The following SBK2 variants were observed in gnomAD, a reference collection of about 807,000 sequenced individuals.
SBK2 encodes the protein serine/threonine-protein kinase SBK2.
SBK2 carries 18 observed loss-of-function variants against 15.9 expected under a neutral mutation model. The ratio of observed to expected loss-of-function variants is 1.13; its 90% CI spans 0.78 to 1.68. The LOEUF (loss-of-function observed/expected upper bound fraction) is 1.68. Ranked by LOEUF, SBK2 falls within the 40% of genes most tolerant of loss-of-function variation. SBK2 has a pLI of 0.00. For missense variants in SBK2, 581 were observed against 510.9 expected (o/e 1.14, Z -1.32); for synonymous variants, 284 against 246.8 (o/e 1.15, Z -1.41).
chr19:55,529,771 C>A lies in SBK2; in HGVS notation c.1009G>T (p.Glu337Ter). Residue 337 changes from glutamate (E) to a stop codon, truncating the protein, a stop_gained, in exon 4 of 4, where the codon GAG becomes TAG. Coordinates refer to ENST00000413299, the MANE Select transcript of SBK2 (RefSeq NM_001370096.2). LOFTEE classifies it low-confidence loss of function (END_TRUNC). ...RPWRQREGEA[E>*]AVGAVEEEAG... ...TCCTCTTCCACCGCTCCCACTGCCT[C>A]CGCCTCGCCCTCCCGCTGCCTCCAG... is the stretch of plus-strand genomic sequence containing the variant. 6.2e-7 allele frequency: 1 copy of A among 1,603,214 alleles called. No homozygotes were observed. Among genetic ancestry groups the A allele is most frequent in the Non-Finnish European group, 8.5e-7 (1 of 1,179,718 alleles).
chr19:55,536,332 C>T, intron 1 of SBK2, 36 bp from the exon 2 acceptor site: 1 of 1,474,982 alleles, frequency 6.8e-7, no homozygotes. Flanking sequence ...GGCTCAGGTC[C>T]CAGGCCCAAG....
At chr19:55,532,545 AC>A (rs1177554379) in intron 2 of SBK2, among the ~76,000 whole-genome samples, 2 of 148,732 alleles carry the variant, frequency 1.3e-5, no homozygotes, top group African/African-American at 5.0e-5. Flanking sequence ...TCAGGTGATG[AC>A]CCACCTCAGC....
chr19:55,529,929 C>T lies in SBK2; in HGVS notation c.851G>A (p.Gly284Asp), dbSNP rs1256808373. 1 of 1,529,080 alleles carries T rather than the reference C, an allele frequency of 6.5e-7. No homozygotes were observed. The highest frequency in any genetic ancestry group is 1.2e-5 in the South Asian group (1 of 81,070). 94.7% of individuals were successfully genotyped at this position (1,529,080 alleles called of 1,614,324 possible). Reference protein sequence around the residue: ...YEDFLIWQASGQPRDRPQPWF... With the variant: ...YEDFLIWQASDQPRDRPQPWF... ...GGGCTGAGGGCGGTCCCGGGGCTGG[C>T]CCGACGCCTGCCAGATGAGGAAGTC... Residue 284 changes from glycine to aspartate, a missense_variant, in exon 4 of 4, where the codon GGC (glycine) becomes GAC (aspartate). Coordinates refer to ENST00000413299, the MANE Select transcript of SBK2 (RefSeq NM_001370096.2).
intron 2 of SBK2, among the ~76,000 whole-genome samples, chr19:55,535,548 C>G (rs1406120248): frequency 2.0e-5 from 3 of 152,194 alleles, no homozygotes; most frequent in African/African-American, 7.2e-5. Context: ...GAAGCTGAGA[C>G]TCAGAGAGGG....
Position 55,536,147 on chromosome 19 carries a change from C to T in SBK2, c.148G>A (p.Ala50Thr). 3 of 1,598,638 alleles carry T rather than the reference C, an allele frequency of 1.9e-6. No homozygotes were observed. The highest frequency in any genetic ancestry group is 2.6e-6 in the Non-Finnish European group (3 of 1,172,684). Reference protein sequence around the residue: ...RALEDMMTLSAQTLVRAEVDE... With the variant: ...RALEDMMTLSTQTLVRAEVDE... Reference sequence around the variant, plus strand: ...ACCTCGGCTCGGACCAGGGTCTGAGCACTCAGCGTCATCATGTCCTCCAGC... The same window carrying T: ...ACCTCGGCTCGGACCAGGGTCTGAGTACTCAGCGTCATCATGTCCTCCAGC... The change falls in exon 2 of 4, where the codon GCT (alanine) becomes ACT (threonine). Residue 50 changes from alanine (A) to threonine (T), a missense_variant. Transcript: ENST00000413299.
chr19:55,535,459 C>G (rs1426616096), intron 2 of SBK2, among the ~76,000 whole-genome samples: 1 of 152,218 alleles, frequency 6.6e-6, no homozygotes, highest in Non-Finnish European at 1.5e-5. Flanking sequence ...ACAACCCCAG[C>G]AACTAGAGCA....
At chr19:55,532,295 CTTTTTTTTTTTT>C (rs540857379) in intron 2 of SBK2, among the ~76,000 whole-genome samples, 2 of 77,064 alleles carry the variant, frequency 2.6e-5, no homozygotes, top group South Asian at 5.0e-4. Flanking sequence ...TGATGTCTTC[CTTTTTTTTTTTT>C]TTTTTTTTTT....
At chr19:55,536,814 C>G (rs931966431) in intron 1 of SBK2, among the ~76,000 whole-genome samples, 3 of 150,922 alleles carry the variant, frequency 2.0e-5, no homozygotes, top group Non-Finnish European at 4.4e-5. Flanking sequence ...TCCGCCAGGC[C>G]CAGGGGTCCA....
At chr19:55,531,538 G>A (rs527991862) in intron 2 of SBK2, among the ~76,000 whole-genome samples, 193 bp from the exon 3 acceptor site, 8 of 152,314 alleles carry the variant, frequency 5.3e-5, no homozygotes, top group South Asian at 2.1e-4. Flanking sequence ...CATCACCAGC[G>A]GTACCAATAG....
At position 55,536,037 on chromosome 19, in the gene SBK2, C is replaced by A. The variant is rs200910704; in HGVS notation, c.253+5G>T. 2 of 1,468,202 alleles carry A rather than the reference C, an allele frequency of 1.4e-6. No homozygotes were observed. The highest frequency in any genetic ancestry group is 1.4e-5 in the South Asian group (1 of 69,590). The allele number at this position is 1,468,202 out of a possible 1,614,324, so 90.9% of individuals were successfully genotyped here. A position where few individuals can be genotyped will look rare whatever the true frequency, so the allele number is the denominator to read the frequency against. ...CCTGCCACCTCTGGCCCCACAGCCT[C>A]GTACCTTTCTGACGATGGGTGACCA... is the stretch of plus-strand genomic sequence containing the variant. On this transcript the variant is annotated splice_donor_5th_base_variant and intron_variant, in intron 2 of 3. Transcript: ENST00000413299.
At chr19:55,534,996 G>T (rs1366892333) in intron 2 of SBK2, among the ~76,000 whole-genome samples, 2 of 151,916 alleles carry the variant, frequency 1.3e-5, no homozygotes, top group Admixed American at 1.3e-4. Context: ...CTGCACTCCA[G>T]CCTGGGCAAC....
Position 55,529,809 on chromosome 19 carries a change from T to C in SBK2, c.971A>G (p.His324Arg). 6.2e-7 allele frequency: 1 copy of C among 1,604,362 alleles called. No individual in the cohort carries two copies. Among genetic ancestry groups the C allele is most frequent in the Non-Finnish European group, 8.5e-7 (1 of 1,179,574 alleles). The change falls in exon 4 of 4, where the codon CAC (histidine) becomes CGC (arginine). Residue 324 changes from histidine (H) to arginine (R), a missense_variant. Transcript: ENST00000413299. Reference sequence around the variant, plus strand: ...CCGCTGCCTCCAGGGGCGCCCCAGGTGCTCCCTGATGGCGATCACAGCGCT... The same window carrying C: ...CCGCTGCCTCCAGGGGCGCCCCAGGCGCTCCCTGATGGCGATCACAGCGCT... ...RRSAVIAIRE[H>R]LGRPWRQREG... is the part of the protein sequence containing the mutation.
chr19:55,529,698 G>C lies in SBK2; in HGVS notation c.*35C>G. ...CCGTTGGCCTTGGGGGCCTCGGGTGGGGCGGCTTCCCTTTCTGCATCCCCC... is the reference window on the plus strand; with the variant it reads ...CCGTTGGCCTTGGGGGCCTCGGGTGCGGCGGCTTCCCTTTCTGCATCCCCC... On this transcript the variant is annotated 3_prime_UTR_variant, in exon 4 of 4. Transcript: ENST00000413299. 6.3e-7 allele frequency: 1 copy of C among 1,586,990 alleles called. No individual in the cohort carries two copies. The highest frequency in any genetic ancestry group is 8.5e-7 in the Non-Finnish European group (1 of 1,174,094).
At chr19:55,534,914 A>G (rs1175922324) in intron 2 of SBK2, among the ~76,000 whole-genome samples, 2 of 151,558 alleles carry the variant, frequency 1.3e-5, no homozygotes, top group Non-Finnish European at 2.9e-5. Flanking sequence ...AATCCCAGCT[A>G]CTCGGGGGGC....
Position 55,536,310 on chromosome 19 carries a change from G to T in SBK2, c.-2-14C>A. On this transcript the variant is annotated splice_polypyrimidine_tract_variant and intron_variant, in intron 1 of 3. Transcript: ENST00000413299. ...TGCCGGGCATCTCTGCGAGAACAGA[G>T]AGGGGTGCCCAGGCTCAGGTCCCAG... is the stretch of plus-strand genomic sequence containing the variant. 1 of 1,490,852 alleles carries T rather than the reference G, an allele frequency of 6.7e-7. No homozygotes were observed. The highest frequency in any genetic ancestry group is 2.6e-5 in the East Asian group (1 of 38,264). The allele number at this position is 1,490,852 out of a possible 1,614,324, so 92.4% of individuals were successfully genotyped here. A position where few individuals can be genotyped will look rare whatever the true frequency, so the allele number is the denominator to read the frequency against.
rs749424815 is a variant in SBK2 at position 55,529,931 on chromosome 19, C to T, written c.849G>A (p.Ser283=). ...GCTGAGGGCGGTCCCGGGGCTGGCC[C>T]GACGCCTGCCAGATGAGGAAGTCCT... ...FYEDFLIWQA[S]GQPRDRPQPW... is the part of the protein sequence containing the mutation. The change falls in exon 4 of 4, where the codon TCG becomes TCA. Residue 283 remains serine, a synonymous_variant. Transcript: ENST00000413299. 33 of 1,527,240 alleles carry T rather than the reference C, an allele frequency of 2.2e-5. No homozygotes were observed. In the African/African-American group the frequency reaches 3.1e-4, roughly 14 times the overall value. 94.6% of individuals were successfully genotyped at this position (1,527,240 alleles called of 1,614,324 possible). A position where few individuals can be genotyped will look rare whatever the true frequency, so the allele number is the denominator to read the frequency against.
chr19:55,532,244 G>A (rs375438001), intron 2 of SBK2, among the ~76,000 whole-genome samples: 1 of 151,622 alleles, frequency 6.6e-6, no homozygotes, highest in Non-Finnish European at 1.5e-5. Flanking sequence ...TGTCACGTGT[G>A]GAAACGACTT....
rs1568491460 is a variant in SBK2, at chr19:55,531,121, GGCCTGGGGTCT to G, written c.456+11_456+21del. ...GGAGGCCGGTGAGGCACTCGGAGGC[GGCCTGGGGTCT>G]GCCTACGCACCTTGGGCTGGATGAA... On this transcript the variant is annotated intron_variant, in intron 3 of 3. Coordinates refer to ENST00000413299, the MANE Select transcript of SBK2 (RefSeq NM_001370096.2). 1 of 1,600,882 alleles carries G rather than the reference GGCCTGGGGTCT, an allele frequency of 6.2e-7. No individual in the cohort carries two copies. Among genetic ancestry groups the G allele is most frequent in the Non-Finnish European group, 8.5e-7 (1 of 1,175,170 alleles).
chr19:55,530,070 C>T lies in SBK2; in HGVS notation c.710G>A (p.Gly237Asp). The T allele has an allele frequency of 6.9e-7, 1 of 1,449,888 alleles. No individual in the cohort carries two copies. The highest frequency in any genetic ancestry group is 1.4e-5 in the South Asian group (1 of 70,870). 89.8% of individuals were successfully genotyped at this position (1,449,888 alleles called of 1,614,324 possible). A position where few individuals can be genotyped will look rare whatever the true frequency, so the allele number is the denominator to read the frequency against. ...GTCCAGGGCGGGCTGAATGGGCAGG[C>T]CCTCGGGGAGCGGCGGGGGCGCGCA... is the stretch of plus-strand genomic sequence containing the variant. ...ELCAPPPLPE[G>D]LPIQPALDAW... The change falls in exon 4 of 4, where the codon GGC becomes GAC. Residue 237 changes from glycine (G) to aspartate (D), a missense_variant. Transcript: ENST00000413299.
Sources: allele counts gnomAD v4.1 joint callset (sites outside exome capture counted in the v4.1 genomes callset), GRCh38; gene constraint gnomAD v4.1.1; transcripts MANE v1.5; gene names NCBI Gene and HGNC (gene_info 2026-07-23, HGNC 2026-07-21).